GNG4: variants seen among roughly 807,000 people sequenced by gnomAD.
GNG4 encodes the protein G protein subunit gamma 4, also known as guanine nucleotide-binding protein G(I)/G(S)/G(O) subunit gamma-4.
In GNG4, 4 loss-of-function variants were observed where a neutral mutation model predicts 5.8. The observed-to-expected ratio is 0.69, with a 90% CI of 0.34 to 1.57. The LOEUF (loss-of-function observed/expected upper bound fraction) is 1.57. Ranked by LOEUF, GNG4 falls within the 40% of genes most tolerant of loss-of-function variation. The pLI, the probability that GNG4 is intolerant of heterozygous loss-of-function variation, is 0.06. For missense variants in GNG4, 96 were observed against 95.1 expected (o/e 1.01, Z -0.04); for synonymous variants, 29 against 32.9 (o/e 0.88, Z 0.41).
intron 1 of GNG4, among the ~76,000 whole-genome samples, chr1:235,620,473 G>A (rs367743438): frequency 1.3e-3 from 197 of 152,380 alleles, no homozygotes; most frequent in African/African-American, 4.4e-3. Flanking sequence ...GTAAGTTGCC[G>A]TTGGCAACAG....
At chr1:235,594,428 G>A (rs1030115898) in intron 2 of GNG4, among the ~76,000 whole-genome samples, 4 of 152,184 alleles carry the variant, frequency 2.6e-5, no homozygotes, top group Non-Finnish European at 5.9e-5. Context: ...CATGCCATGC[G>A]CCCACACTCC....
chr1:235,646,448 AT>A (rs1657513627), intron 1 of GNG4, among the ~76,000 whole-genome samples: 1 of 152,244 alleles, frequency 6.6e-6, no homozygotes, highest in African/African-American at 2.4e-5. Context: ...CTTGGCAGGT[AT>A]CCTGTGAGTA....
Position 235,587,609 on chromosome 1 carries a change from G to GTTT in GNG4, c.-10-3762_-10-3761insAAA, listed in dbSNP as rs1558486367. 2.5e-3 allele frequency among the ~76,000 whole-genome samples: 62 copies of GTTT among 24,808 alleles called. 5 individuals are homozygous for GTTT. Among genetic ancestry groups the GTTT allele is most frequent in the East Asian group, 0.014 (2 of 142 alleles). The allele number at this position is 24,808 out of a possible 152,430, so 16.3% of individuals were successfully genotyped here. ...TGAGTGTGAGTGTGGGAGGGCATGG[G>GTTT]GTGGGGTGTGTGAATGTGGGGTGGA... On this transcript the variant is annotated intron_variant, in intron 2 of 3. Coordinates refer to ENST00000391854, the MANE Select transcript of GNG4 (RefSeq NM_001098722.2).
chr1:235,600,100 C>CTTTTTTTT (rs533853180), intron 1 of GNG4, among the ~76,000 whole-genome samples: 1,771 of 43,128 alleles, frequency 0.041, 491 homozygotes, highest in Non-Finnish European at 0.061. Context: ...CGGAAGAAAG[C>CTTTTTTTT]TTTTTTTTTT....
Position 235,644,211 on chromosome 1 carries a change from T to C in GNG4, c.-123+5451A>G, listed in dbSNP as rs536421762. ...GGCCAGTGACTCTGTCTCCATCAGATAAAATTCAGCCACAGCGGGAGGGAG... is the reference window on the plus strand; with the variant it reads ...GGCCAGTGACTCTGTCTCCATCAGACAAAATTCAGCCACAGCGGGAGGGAG... On this transcript the variant is annotated intron_variant, in intron 1 of 3. Coordinates refer to ENST00000391854, the MANE Select transcript of GNG4 (RefSeq NM_001098722.2). This position sits in a 1 kb window ranked among gnomAD's most constrained non-coding sequence, Gnocchi z 5.9. Among the ~76,000 whole-genome samples the C allele has an allele frequency of 1.6e-4, 25 of 152,306 alleles. No homozygotes were observed. Among genetic ancestry groups the C allele is most frequent in the Non-Finnish European group, 3.2e-4 (22 of 68,018 alleles).
chr1:235,593,880 T>G (rs1419414618), intron 2 of GNG4, among the ~76,000 whole-genome samples: 2 of 152,150 alleles, frequency 1.3e-5, no homozygotes, highest in South Asian at 4.1e-4. Context: ...CAGCAGAATT[T>G]GTTGCAAAGA....
intron 3 of GNG4, among the ~76,000 whole-genome samples, chr1:235,553,587 T>C (rs1167057969): frequency 6.6e-6 from 1 of 152,232 alleles, no homozygotes; most frequent in Non-Finnish European, 1.5e-5. Context: ...ATTCTTCTGA[T>C]TTTCAGACCT....
intron 1 of GNG4, among the ~76,000 whole-genome samples, chr1:235,606,969 CAG>C (rs1321117651): frequency 3.2e-5 from 4 of 126,448 alleles, no homozygotes; most frequent in African/African-American, 1.3e-4. Flanking sequence ...TTTTTTGAGA[CAG>C]AGTCTCACCC....
intron 3 of GNG4, among the ~76,000 whole-genome samples, chr1:235,558,022 C>A (rs866208345): frequency 1.2e-4 from 19 of 152,162 alleles, no homozygotes; most frequent in African/African-American, 4.3e-4. Flanking sequence ...TCTTAGATTG[C>A]CTCCTTTTGT....
chr1:235,606,944 CTTT>C (rs1181596456), intron 1 of GNG4, among the ~76,000 whole-genome samples: 5 of 123,690 alleles, frequency 4.0e-5, no homozygotes, highest in Non-Finnish European at 4.9e-5. Context: ...CCTTTCTTTC[CTTT>C]TTTTTTTTTT....
chr1:235,634,291 A>T (rs1365169496), intron 1 of GNG4, among the ~76,000 whole-genome samples: 1 of 152,244 alleles, frequency 6.6e-6, no homozygotes, highest in Non-Finnish European at 1.5e-5. Flanking sequence ...TTTATTAGCA[A>T]AAGCATGGAA....
At chr1:235,574,410 G>GT (rs765117195) in intron 3 of GNG4, among the ~76,000 whole-genome samples, 4 of 152,102 alleles carry the variant, frequency 2.6e-5, no homozygotes, top group Non-Finnish European at 4.4e-5. Flanking sequence ...CCATTTTAAT[G>GT]AACAGAGAAG....
intron 3 of GNG4, among the ~76,000 whole-genome samples, chr1:235,571,623 A>G (rs560528551): frequency 1.3e-5 from 2 of 152,180 alleles, no homozygotes; most frequent in South Asian, 4.1e-4. Context: ...ATATTGACTC[A>G]AACACTTTCT....
intron 1 of GNG4, among the ~76,000 whole-genome samples, chr1:235,617,405 TG>T (rs1688614569): frequency 6.6e-6 from 1 of 152,212 alleles, no homozygotes; most frequent in East Asian, 1.9e-4. Flanking sequence ...CCTAGCAGAA[TG>T]CTGGGTATTG....
At chr1:235,616,136 T>C (rs1571914807) in intron 1 of GNG4, 6 of 486,920 alleles carry the variant, frequency 1.2e-5, no homozygotes, top group Admixed American at 2.2e-5. Flanking sequence ...TCAACCCCCT[T>C]CCGCCTGCTG....
intron 3 of GNG4, among the ~76,000 whole-genome samples, chr1:235,582,471 G>C (rs959952789): frequency 1.3e-5 from 2 of 152,132 alleles, no homozygotes; most frequent in East Asian, 1.9e-4. Flanking sequence ...GGAGACTGTC[G>C]CCTTCACATT....
At chr1:235,616,139 G>C in intron 1 of GNG4, 1 of 490,864 alleles carries the variant, frequency 2.0e-6, no homozygotes, top group Non-Finnish European at 4.1e-6. Context: ...ACCCCCTTCC[G>C]CCTGCTGCTA....
At chr1:235,634,369 T>C (rs1374449311) in intron 1 of GNG4, among the ~76,000 whole-genome samples, 6 of 152,182 alleles carry the variant, frequency 3.9e-5, no homozygotes. Flanking sequence ...AAAGGCTTCC[T>C]GGGGATTTTA....
intron 1 of GNG4, among the ~76,000 whole-genome samples, chr1:235,622,777 C>T (rs1291404598): frequency 6.7e-6 from 1 of 149,862 alleles, no homozygotes; most frequent in Non-Finnish European, 1.5e-5. Context: ...GAGGCTGAGG[C>T]AGAAGAATCG....
Sources: gnomAD v4.1 joint callset for allele counts (sites outside exome capture counted in the v4.1 genomes callset) on GRCh38, gnomAD v4.1.1 for gene constraint, Gnocchi (gnomAD v3.1) non-coding constraint, MANE v1.5 for transcripts, NCBI Gene and HGNC (gene_info 2026-07-23, HGNC 2026-07-21) for gene names.